TENM2: variants seen among roughly 807,000 people sequenced by gnomAD.
TENM2 encodes teneurin-2.
Under a neutral mutation model 245.2 loss-of-function variants are expected in TENM2, and 52 were observed. The ratio of observed to expected loss-of-function variants is 0.21; its 90% CI spans 0.17 to 0.27. TENM2 has a LOEUF of 0.27. TENM2 is among the 10% of genes least tolerant of loss of function. The pLI is 1.00. For missense variants in TENM2, 3,046 were observed against 3,666.8 expected (o/e 0.83, Z 4.37); for synonymous variants, 1,363 against 1,438.9 (o/e 0.95, Z 1.19).
the TENM2 span, among the ~76,000 whole-genome samples, chr5:167,146,976 G>A: frequency 1.3e-5 from 2 of 152,024 alleles, no homozygotes; most frequent in Admixed American, 6.6e-5. Flanking sequence ...GAACACATTC[G>A]CAGTGATAGA....
At chr5:167,256,399 G>A in the TENM2 span, among the ~76,000 whole-genome samples, 2 of 152,126 alleles carry the variant, frequency 1.3e-5, no homozygotes, top group African/African-American at 4.8e-5. Flanking sequence ...AAGCAAAGGG[G>A]CAAAAGCTAG....
At chr5:167,153,677 A>G in the TENM2 span, among the ~76,000 whole-genome samples, 1 of 152,002 alleles carries the variant, frequency 6.6e-6, no homozygotes, top group Non-Finnish European at 1.5e-5. Flanking sequence ...ATATATATAT[A>G]TATATACACA....
At chr5:168,036,707 G>A (rs200721933) in intron 5 of TENM2, among the ~76,000 whole-genome samples, 35 of 114,084 alleles carry the variant, frequency 3.1e-4, no homozygotes, top group African/African-American at 1.1e-3. Flanking sequence ...ATATGTATGT[G>A]TATATATATG....
chr5:168,121,211 G>T (rs1001018726), intron 10 of TENM2, among the ~76,000 whole-genome samples: 4 of 152,146 alleles, frequency 2.6e-5, no homozygotes, highest in Non-Finnish European at 4.4e-5. Context: ...GAGTTCTAAT[G>T]ATTTCAGCTG....
At chr5:168,258,424 C>T (rs1006496971) in intron 27 of TENM2, among the ~76,000 whole-genome samples, 1 of 152,066 alleles carries the variant, frequency 6.6e-6, no homozygotes, top group Admixed American at 6.5e-5. Flanking sequence ...TCACTTGAAC[C>T]CAGGAGGCGG....
At chr5:167,282,990 T>C (rs1055319255), upstream of TENM2, among the ~76,000 whole-genome samples, 3 of 152,160 alleles carry the variant, frequency 2.0e-5, no homozygotes, top group Non-Finnish European at 4.4e-5. Flanking sequence ...TGCTTTCTTA[T>C]GAGCAACTGA....
intron 3 of TENM2, among the ~76,000 whole-genome samples, chr5:167,919,453 T>C (rs1561934325): frequency 6.6e-6 from 1 of 152,250 alleles, no homozygotes; most frequent in Non-Finnish European, 1.5e-5. Context: ...CTGATTTACA[T>C]AGAGGACTAT....
intron 2 of TENM2, among the ~76,000 whole-genome samples, chr5:167,427,173 G>T (rs1248158603): frequency 6.6e-6 from 1 of 152,128 alleles, no homozygotes; most frequent in Non-Finnish European, 1.5e-5. Context: ...AAACAGAAAG[G>T]CCGGGCGCGG....
intron 2 of TENM2, among the ~76,000 whole-genome samples, chr5:167,698,119 T>C (rs1383011278): frequency 6.6e-6 from 1 of 152,198 alleles, no homozygotes; most frequent in Non-Finnish European, 1.5e-5. Context: ...GATCTTGTGT[T>C]CAGATCTGAT....
chr5:167,214,850 G>A, the TENM2 span, among the ~76,000 whole-genome samples: 8 of 152,110 alleles, frequency 5.3e-5, no homozygotes, highest in East Asian at 1.9e-4. Flanking sequence ...AGGGCTTTCC[G>A]CATATTGCCT....
At chr5:167,058,099 C>T in the TENM2 span, among the ~76,000 whole-genome samples, 1 of 152,138 alleles carries the variant, frequency 6.6e-6, no homozygotes, top group African/African-American at 2.4e-5. Context: ...CCAATGACCT[C>T]ACTTATCTGA....
chr5:167,429,184 T>G (rs560535474), intron 2 of TENM2, among the ~76,000 whole-genome samples: 46 of 152,338 alleles, frequency 3.0e-4, no homozygotes, highest in African/African-American at 1.1e-3. Flanking sequence ...TTAAGACAAC[T>G]TCTGGCAGGG....
chr5:166,983,948 G>T, the TENM2 span, among the ~76,000 whole-genome samples: 1 of 152,018 alleles, frequency 6.6e-6, no homozygotes, highest in Non-Finnish European at 1.5e-5. Flanking sequence ...ACTATTACAT[G>T]AGTTTATGAT....
rs79625916 is a variant in TENM2, at chr5:168,170,845, A to G, written c.2569+8088A>G. ...ACCAACCTAATACATTGTAAATCTC[A>G]TCATTCCATGTTCTCAAAGGGTTTC... On this transcript the variant is annotated intron_variant, in intron 13 of 28. Coordinates refer to ENST00000518659, the Ensembl canonical transcript of TENM2. 2.4e-3 allele frequency among the ~76,000 whole-genome samples: 373 copies of G among 152,356 alleles called. 3 individuals carry two copies. The highest frequency in any genetic ancestry group is 8.5e-3 in the African/African-American group (354 of 41,576).
At chr5:168,036,663 T>C (rs1554183587) in intron 5 of TENM2, among the ~76,000 whole-genome samples, 3 of 106,682 alleles carry the variant, frequency 2.8e-5, no homozygotes, top group Non-Finnish European at 5.5e-5. Flanking sequence ...TATATATATA[T>C]AATATATGTA....
At chr5:167,532,826 G>GTGTGTGTATA (rs1554170577) in intron 2 of TENM2, among the ~76,000 whole-genome samples, 2 of 144,516 alleles carry the variant, frequency 1.4e-5, no homozygotes, top group African/African-American at 5.2e-5. Context: ...GTGTGTGTGT[G>GTGTGTGTATA]TATATATATA....
At chr5:167,616,791 A>G (rs542849687) in intron 2 of TENM2, among the ~76,000 whole-genome samples, 2 of 152,092 alleles carry the variant, frequency 1.3e-5, no homozygotes. Flanking sequence ...AAAAAGGGCA[A>G]TGCATGTTTA....
intron 6 of TENM2, among the ~76,000 whole-genome samples, chr5:168,049,345 A>C (rs1391820230): frequency 4.6e-5 from 7 of 152,212 alleles, no homozygotes; most frequent in Admixed American, 2.6e-4. Flanking sequence ...TCAGCACCTC[A>C]TCCCTTCAGA....
At chr5:168,233,631 A>G (rs567330156) in intron 25 of TENM2, among the ~76,000 whole-genome samples, 2 of 152,336 alleles carry the variant, frequency 1.3e-5, no homozygotes, top group East Asian at 1.9e-4. Context: ...TAACAGGGCC[A>G]CCACAAGGGA....
Sources: gnomAD v4.1 joint callset for allele counts (sites outside exome capture counted in the v4.1 genomes callset) on GRCh38, gnomAD v4.1.1 for gene constraint, MANE v1.5 for transcripts, NCBI Gene and HGNC (gene_info 2026-07-23, HGNC 2026-07-21) for gene names.